ROR2: variants seen among roughly 807,000 people sequenced by gnomAD.
ROR2 encodes ROR family WNT receptor 2.
Under a neutral mutation model 74.9 loss-of-function variants are expected in ROR2, and 33 were observed. The ratio of observed to expected loss-of-function variants is 0.44; its 90% CI spans 0.33 to 0.59. The LOEUF (loss-of-function observed/expected upper bound fraction) is 0.59, where lower values mean the gene tolerates loss of function less well. Among genes scored for constraint, ROR2 ranks in the 20% least tolerant of loss-of-function variants. The pLI, the probability that ROR2 is intolerant of heterozygous loss-of-function variation, is 0.02. For synonymous variants in ROR2, 586 were observed against 558.7 expected (o/e 1.05, Z -0.69); for missense variants, 1,216 against 1,313.8 (o/e 0.93, Z 1.15).
At chr9:91,880,685 T>G (rs761357007) in intron 1 of ROR2, among the ~76,000 whole-genome samples, 1 of 152,248 alleles carries the variant, frequency 6.6e-6, no homozygotes, top group Non-Finnish European at 1.5e-5. Flanking sequence ...TTCTACAACA[T>G]TGTTTCTGCA....
chr9:91,734,244 G>C (rs866684418), intron 5 of ROR2, among the ~76,000 whole-genome samples: 23 of 152,132 alleles, frequency 1.5e-4, no homozygotes, highest in Non-Finnish European at 2.4e-4. Flanking sequence ...TCTAAGGAAT[G>C]CATCAGCCTG....
At chr9:91,742,276 C>G (rs1380014595) in intron 4 of ROR2, among the ~76,000 whole-genome samples, 1 of 152,192 alleles carries the variant, frequency 6.6e-6, no homozygotes, top group Non-Finnish European at 1.5e-5. Context: ...TTACCTCCCC[C>G]TGGGTCCCTC....
chr9:91,834,252 T>C (rs1828550393), intron 1 of ROR2, among the ~76,000 whole-genome samples: 1 of 152,160 alleles, frequency 6.6e-6, no homozygotes, highest in Non-Finnish European at 1.5e-5. Flanking sequence ...CTGGGTGGAC[T>C]TGCCCAGAGC....
At chr9:91,801,015 A>T (rs1827358218) in intron 1 of ROR2, among the ~76,000 whole-genome samples, 1 of 152,044 alleles carries the variant, frequency 6.6e-6, no homozygotes, top group South Asian at 2.1e-4. Context: ...GCCCCTGGGA[A>T]CTCTGCTACC....
At chr9:91,917,232 C>G (rs1831159332) in intron 1 of ROR2, among the ~76,000 whole-genome samples, 1 of 152,172 alleles carries the variant, frequency 6.6e-6, no homozygotes, top group Non-Finnish European at 1.5e-5. Flanking sequence ...CTGTCATTTA[C>G]CCCCTTACGC....
chr9:91,786,878 G>T (rs1238556158), intron 1 of ROR2, among the ~76,000 whole-genome samples: 2 of 152,136 alleles, frequency 1.3e-5, no homozygotes, highest in African/African-American at 4.8e-5. Flanking sequence ...AAATCCTAAA[G>T]AATTAGAGGA....
Position 91,949,934 on chromosome 9 carries a change from C to T in ROR2, c.30G>A (p.Arg10=), listed in dbSNP as rs1587870926. 6.6e-7 allele frequency: 1 copy of T among 1,517,534 alleles called. No homozygotes were observed. The highest frequency in any genetic ancestry group is 2.1e-4 in the Middle Eastern group (1 of 4,760). The allele number at this position is 1,517,534 out of a possible 1,614,324, so 94.0% of individuals were successfully genotyped here. A position where few individuals can be genotyped will look rare whatever the true frequency, so the allele number is the denominator to read the frequency against. The change falls in exon 1 of 9, where the codon CGG becomes CGA. Residue 10 remains arginine (R), a synonymous_variant. Transcript: ENST00000375708. MARGSALPR[R]PLLCIPAVWA... The stretch of plus-strand genomic sequence containing the variant: ...AGACGGCCGGGATGCACAGCAGCGG[C>T]CGCCGCGGGAGCGCCGAGCCCCGGG...
chr9:91,836,601 C>T (rs1828619061), intron 1 of ROR2, among the ~76,000 whole-genome samples: 1 of 152,088 alleles, frequency 6.6e-6, no homozygotes, highest in Non-Finnish European at 1.5e-5. Flanking sequence ...CTAAGAAAGC[C>T]CAGGTCTCCT....
chr9:91,847,705 C>T (rs1828972185), intron 1 of ROR2, among the ~76,000 whole-genome samples: 1 of 152,230 alleles, frequency 6.6e-6, no homozygotes, highest in Non-Finnish European at 1.5e-5. Flanking sequence ...ATGAACCCCA[C>T]TCCCAGCACA....
chr9:91,743,173 A>G (rs1825303455), intron 4 of ROR2, among the ~76,000 whole-genome samples: 1 of 152,226 alleles, frequency 6.6e-6, no homozygotes, highest in African/African-American at 2.4e-5. Context: ...GCAGAAGAAA[A>G]AAATCTATGA....
At chr9:91,775,499 C>G (rs1826388331) in intron 2 of ROR2, among the ~76,000 whole-genome samples, 1 of 152,166 alleles carries the variant, frequency 6.6e-6, no homozygotes, top group Admixed American at 6.5e-5. Context: ...ATCTGCCAGG[C>G]CGCCATCTGT....
chr9:91,803,691 T>C (rs931026498), intron 1 of ROR2, among the ~76,000 whole-genome samples: 1 of 152,260 alleles, frequency 6.6e-6, no homozygotes, highest in Non-Finnish European at 1.5e-5. Context: ...TTTCCCTTCA[T>C]GACTGCATGT....
intron 1 of ROR2, among the ~76,000 whole-genome samples, chr9:91,888,212 G>C (rs900270624): frequency 1.3e-5 from 2 of 152,130 alleles, no homozygotes; most frequent in Non-Finnish European, 2.9e-5. Flanking sequence ...GATTTTAACT[G>C]TGTTTCCCAG....
At chr9:91,778,563 C>A (rs1474027202) in intron 1 of ROR2, among the ~76,000 whole-genome samples, 2 of 152,190 alleles carry the variant, frequency 1.3e-5, no homozygotes, top group Non-Finnish European at 2.9e-5. Flanking sequence ...GCCACGTGGC[C>A]TTCTGGACCA....
chr9:91,802,930 A>G (rs1009147838), intron 1 of ROR2, among the ~76,000 whole-genome samples: 1 of 152,210 alleles, frequency 6.6e-6, no homozygotes, highest in Non-Finnish European at 1.5e-5. Flanking sequence ...GCCACCGAGC[A>G]CACCGAAAGA....
intron 4 of ROR2, among the ~76,000 whole-genome samples, chr9:91,753,042 T>A (rs1173560307): frequency 6.6e-6 from 1 of 152,192 alleles, no homozygotes; most frequent in Non-Finnish European, 1.5e-5. Flanking sequence ...CAAAGGAAAG[T>A]AGTCCTTGAT....
chr9:91,826,388 C>T (rs776503269), intron 1 of ROR2, among the ~76,000 whole-genome samples: 41 of 152,032 alleles, frequency 2.7e-4, no homozygotes, highest in Admixed American at 4.6e-4. Context: ...ATTTGTGTTC[C>T]TTAAAAAACA....
intron 1 of ROR2, among the ~76,000 whole-genome samples, chr9:91,927,310 A>G (rs767860732): frequency 2.0e-5 from 3 of 152,178 alleles, no homozygotes; most frequent in Non-Finnish European, 4.4e-5. Context: ...AGCTCATCCA[A>G]ATCCCCAAAC....
rs769663245 is a variant in ROR2 at position 91,808,131 on chromosome 9, A to G, written c.98-32313T>C. Among the ~76,000 whole-genome samples, 106 of 152,210 alleles carry G rather than the reference A, an allele frequency of 7.0e-4. 1 individual carries two copies. Among genetic ancestry groups the G allele is most frequent in the Non-Finnish European group, 9.6e-4 (65 of 68,036 alleles). ...TAGGAAAAAAAAAAGTGGGTTGCTT[A>G]AAACAGCTACTTGTGCATATGATGA... On this transcript the variant is annotated intron_variant, in intron 1 of 8. Transcript: ENST00000375708.
Sources: gnomAD v4.1 joint callset for allele counts (sites outside exome capture counted in the v4.1 genomes callset) on GRCh38, gnomAD v4.1.1 for gene constraint, MANE v1.5 for transcripts, NCBI Gene and HGNC (gene_info 2026-07-23, HGNC 2026-07-21) for gene names.